The following RANBP2 variants were observed in gnomAD, a reference collection of about 807,000 sequenced individuals.
RANBP2 encodes RAN binding protein 2, also known as E3 SUMO-protein ligase RanBP2.
In RANBP2, 57 loss-of-function variants were observed where a neutral mutation model predicts 303.6. That is an observed-to-expected ratio of 0.19 (90% CI 0.15 to 0.23). RANBP2 has a LOEUF of 0.23. Among genes scored for constraint, RANBP2 ranks in the 10% least tolerant of loss-of-function variants. The pLI is 1.00. For synonymous variants in RANBP2, 1,167 were observed against 1,301.5 expected, an observed-to-expected ratio of 0.90 and a Z score of 2.23; for missense variants, 3,138 against 3,780.8, an observed-to-expected ratio of 0.83 and a Z score of 4.46.
the RANBP2 span, among the ~76,000 whole-genome samples, chr2:109,564,848 T>C: frequency 2.0e-5 from 3 of 152,242 alleles, no homozygotes; most frequent in Admixed American, 6.5e-5. Flanking sequence ...CACACTAATA[T>C]TTTGTTAGCA....
At chr2:109,319,548 G>A in the RANBP2 span, among the ~76,000 whole-genome samples, 1 of 152,226 alleles carries the variant, frequency 6.6e-6, no homozygotes, top group Non-Finnish European at 1.5e-5. Flanking sequence ...GTGAGAGGGG[G>A]CTCACAGGGC....
the RANBP2 span, among the ~76,000 whole-genome samples, chr2:109,573,909 C>T: frequency 1.3e-5 from 2 of 152,220 alleles, no homozygotes; most frequent in African/African-American, 2.4e-5. Context: ...ATATCTAATG[C>T]AACATTAGAC....
the RANBP2 span, among the ~76,000 whole-genome samples, chr2:108,836,299 T>C: frequency 6.6e-6 from 1 of 152,208 alleles, no homozygotes; most frequent in Admixed American, 6.5e-5. Flanking sequence ...TAGCATAATA[T>C]CCATAAGGTT....
chr2:109,093,429 A>AG, the RANBP2 span, among the ~76,000 whole-genome samples: 2 of 151,030 alleles, frequency 1.3e-5, no homozygotes, highest in East Asian at 3.9e-4. Flanking sequence ...AAAAAAAGAA[A>AG]GAAAAAAAAA....
chr2:108,844,378 A>G, the RANBP2 span, among the ~76,000 whole-genome samples: 113 of 151,286 alleles, frequency 7.5e-4, 1 homozygote, highest in African/African-American at 2.6e-3. Context: ...TTGTATTTCC[A>G]GTTCTGAAAT....
chr2:109,585,189 ACATTACTTT>A, the RANBP2 span: 1 of 1,611,574 alleles, frequency 6.2e-7, no homozygotes, highest in African/African-American at 1.3e-5. Flanking sequence ...TTTCAATTGA[ACATTACTTT>A]CCTGGAGTTC....
chr2:109,330,877 T>C, the RANBP2 span, among the ~76,000 whole-genome samples: 1 of 152,184 alleles, frequency 6.6e-6, no homozygotes, highest in East Asian at 1.9e-4. Flanking sequence ...GACCAATTCC[T>C]CTGGTAAGGG....
chr2:108,927,204 T>C, the RANBP2 span, among the ~76,000 whole-genome samples: 2 of 152,106 alleles, frequency 1.3e-5, no homozygotes, highest in African/African-American at 4.8e-5. Context: ...CTGCACAGGG[T>C]CCCTTGCCTG....
the RANBP2 span, among the ~76,000 whole-genome samples, chr2:109,154,358 A>G: frequency 2.6e-5 from 4 of 152,100 alleles, no homozygotes; most frequent in African/African-American, 9.7e-5. Context: ...GTTTTGGGGA[A>G]GCTTCTGGGT....
the RANBP2 span, among the ~76,000 whole-genome samples, chr2:109,232,298 T>C: frequency 6.6e-6 from 1 of 152,152 alleles, no homozygotes; most frequent in Admixed American, 6.5e-5. Context: ...TTTTTGACTG[T>C]AGTCATCCTA....
At chr2:108,779,371 G>T (rs576633817) in intron 25 of RANBP2, among the ~76,000 whole-genome samples, 1 of 151,708 alleles carries the variant, frequency 6.6e-6, no homozygotes, top group South Asian at 2.1e-4. Context: ...CGCCATGTTG[G>T]CCAGGCTTGT....
chr2:108,860,574 G>A, the RANBP2 span, among the ~76,000 whole-genome samples: 1 of 151,390 alleles, frequency 6.6e-6, no homozygotes. Flanking sequence ...CTGCATCTAG[G>A]GGTTTTTGTT....
chr2:109,148,471 T>C, the RANBP2 span, among the ~76,000 whole-genome samples: 17 of 152,320 alleles, frequency 1.1e-4, no homozygotes, highest in African/African-American at 4.1e-4. Flanking sequence ...TGTGTACAAA[T>C]TTCTGCACGT....
At chr2:109,164,620 G>A in the RANBP2 span, among the ~76,000 whole-genome samples, 1 of 152,194 alleles carries the variant, frequency 6.6e-6, no homozygotes, top group Admixed American at 6.5e-5. Flanking sequence ...GATGGTAAAG[G>A]TGTAAAAATT....
chr2:109,620,375 C>T, the RANBP2 span, among the ~76,000 whole-genome samples: 3 of 152,052 alleles, frequency 2.0e-5, no homozygotes, highest in Admixed American at 2.0e-4. Flanking sequence ...ACTTCGTGAG[C>T]GATTTAAGAG....
the RANBP2 span, among the ~76,000 whole-genome samples, chr2:109,380,049 T>C: frequency 2.0e-5 from 3 of 152,114 alleles, no homozygotes. Flanking sequence ...CAAGACTACA[T>C]AAGAGGGAGA....
At chr2:108,908,123 G>T in the RANBP2 span, 1 of 1,315,802 alleles carries the variant, frequency 7.6e-7, no homozygotes. Flanking sequence ...TGGACAGTGG[G>T]GGGCAATGAC....
chr2:108,921,356 T>C, the RANBP2 span, among the ~76,000 whole-genome samples: 1 of 152,200 alleles, frequency 6.6e-6, no homozygotes, highest in Non-Finnish European at 1.5e-5. Flanking sequence ...CAGGGGCCCT[T>C]GGCAAGTCTG....
the RANBP2 span, among the ~76,000 whole-genome samples, chr2:109,532,847 A>C: frequency 6.6e-6 from 1 of 152,306 alleles, no homozygotes; most frequent in East Asian, 1.9e-4. Flanking sequence ...CCCTTTGGGC[A>C]GTGGACACCT....
Sources: gnomAD v4.1 joint callset for allele counts (sites outside exome capture counted in the v4.1 genomes callset) on GRCh38, gnomAD v4.1.1 for gene constraint, MANE v1.5 for transcripts, NCBI Gene and HGNC (gene_info 2026-07-23, HGNC 2026-07-21) for gene names.